The following CCDC90B variants were observed in gnomAD, a reference collection of about 807,000 sequenced individuals.
CCDC90B encodes the protein coiled-coil domain containing 90B, also known as coiled-coil domain-containing protein 90B, mitochondrial.
A neutral mutation model predicts 37.0 loss-of-function variants in CCDC90B; 24 were observed. The ratio of observed to expected loss-of-function variants is 0.65; its 90% CI spans 0.47 to 0.91. The LOEUF is 0.91. Ranked by LOEUF, CCDC90B falls within the 40% of genes least tolerant of loss-of-function variation. The pLI is 0.00. For missense variants in CCDC90B, 319 were observed against 299.0 expected (o/e 1.07, Z -0.49); for synonymous variants, 113 against 101.1 (o/e 1.12, Z -0.71).
At chr11:83,276,360 CTTT>C (rs1865027196) in intron 3 of CCDC90B, among the ~76,000 whole-genome samples, 1 of 152,036 alleles carries the variant, frequency 6.6e-6, no homozygotes, top group African/African-American at 2.4e-5. Context: ...GTACTGTGGC[CTTT>C]TTGAGACAGA....
intron 1 of CCDC90B, chr11:83,285,658 T>A: frequency 7.2e-7 from 1 of 1,394,592 alleles, no homozygotes; most frequent in Non-Finnish European, 9.3e-7. Flanking sequence ...AAGGTTCGCT[T>A]TAAGAACAGA....
intron 8 of CCDC90B, among the ~76,000 whole-genome samples, chr11:83,265,662 T>C (rs189542961): frequency 1.4e-4 from 22 of 152,218 alleles, no homozygotes; most frequent in African/African-American, 5.3e-4. Flanking sequence ...ATAATAAAAA[T>C]TATAAGTATT....
intron 7 of CCDC90B, among the ~76,000 whole-genome samples, chr11:83,272,377 T>C (rs1864733471): frequency 6.6e-6 from 1 of 152,190 alleles, no homozygotes; most frequent in African/African-American, 2.4e-5. Flanking sequence ...AACATATTTA[T>C]ACCTGAATAC....
chr11:83,267,701 G>C (rs573563081), intron 7 of CCDC90B, among the ~76,000 whole-genome samples: 1 of 152,318 alleles, frequency 6.6e-6, no homozygotes, highest in Non-Finnish European at 1.5e-5. Context: ...TATTATCCAG[G>C]AGAACTTCCC....
intron 8 of CCDC90B, among the ~76,000 whole-genome samples, chr11:83,263,799 A>G (rs781341348): frequency 6.6e-6 from 1 of 152,198 alleles, no homozygotes; most frequent in Non-Finnish European, 1.5e-5. Flanking sequence ...TGAGGCACAC[A>G]GTCACAGATT....
At chr11:83,284,475 T>G (rs1319654119) in intron 1 of CCDC90B, among the ~76,000 whole-genome samples, 2 of 152,240 alleles carry the variant, frequency 1.3e-5, no homozygotes, top group Admixed American at 6.5e-5. Flanking sequence ...TAACAGCATA[T>G]ATTCTTACAT....
chr11:83,267,869 G>A (rs1369060772), intron 7 of CCDC90B, among the ~76,000 whole-genome samples: 3 of 152,186 alleles, frequency 2.0e-5, no homozygotes, highest in African/African-American at 7.2e-5. Flanking sequence ...GAAAGGTCAA[G>A]TTACCCACAA....
chr11:83,271,712 C>T (rs1467094228), intron 7 of CCDC90B, among the ~76,000 whole-genome samples: 1 of 152,192 alleles, frequency 6.6e-6, no homozygotes, highest in African/African-American at 2.4e-5. Flanking sequence ...TGTGGCAATT[C>T]CTCAAGGATC....
intron 5 of CCDC90B, 31 bp from the exon 6 acceptor site, chr11:83,273,895 G>A (rs1591048181): frequency 6.3e-7 from 1 of 1,594,482 alleles, no homozygotes; most frequent in East Asian, 2.2e-5. Flanking sequence ...TTTAAAAAAT[G>A]ATCTTGTAAC....
At position 83,285,630 on chromosome 11, in the gene CCDC90B, G is replaced by A. The variant is rs926768752; in HGVS notation, c.100+243C>T. 5.9e-6 allele frequency: 8 copies of A among 1,348,582 alleles called. No individual in the cohort carries two copies. The African/African-American group carries it at 8.9e-5, about 15-fold the overall frequency. The allele number at this position is 1,348,582 out of a possible 1,614,324, so 83.5% of individuals were successfully genotyped here. A position where few individuals can be genotyped will look rare whatever the true frequency, so the allele number is the denominator to read the frequency against. Reference sequence around the variant, plus strand: ...ACAACGGCTGAGAAAGAAGCCGGGCGCGAAGCCCAGGCCTTCAAAGGTTCG... The same window carrying A: ...ACAACGGCTGAGAAAGAAGCCGGGCACGAAGCCCAGGCCTTCAAAGGTTCG... On this transcript the variant is annotated intron_variant, in intron 1 of 8. Transcript: ENST00000529689.
At position 83,261,806 on chromosome 11, in the gene CCDC90B, A is replaced by G. The variant is rs1018741719; in HGVS notation, c.*105T>C. On this transcript the variant is annotated 3_prime_UTR_variant, in exon 9 of 9. Transcript: ENST00000529689. The stretch of plus-strand genomic sequence containing the variant: ...CTTTTAGTCCGTATACACTTCGAAT[A>G]ATCTTGTGTAGTAAATTTTTGCTGC... 3 of 746,944 alleles carry G rather than the reference A, an allele frequency of 4.0e-6. No homozygotes were observed. Among genetic ancestry groups the G allele is most frequent in the African/African-American group, 3.6e-5 (2 of 55,580 alleles). The allele number at this position is 746,944 out of a possible 1,614,324, so 46.3% of individuals were successfully genotyped here. A position where few individuals can be genotyped will look rare whatever the true frequency, so the allele number is the denominator to read the frequency against.
intron 8 of CCDC90B, among the ~76,000 whole-genome samples, chr11:83,265,637 A>G (rs1437835380): frequency 1.3e-5 from 2 of 152,198 alleles, no homozygotes; most frequent in Admixed American, 6.5e-5. Context: ...GGCTGCGTCT[A>G]ATTTGTAATC....
intron 7 of CCDC90B, among the ~76,000 whole-genome samples, chr11:83,268,202 G>T (rs1013876558): frequency 1.3e-5 from 2 of 151,894 alleles, no homozygotes; most frequent in African/African-American, 2.4e-5. Context: ...TCAATTAATG[G>T]GCAAAATAAC....
Position 83,282,204 on chromosome 11 carries a change from G to C in CCDC90B, c.101-1944C>G, listed in dbSNP as rs373454272. Among the ~76,000 whole-genome samples the C allele has an allele frequency of 4.8e-4, 73 of 152,342 alleles. 3 individuals carry two copies. In the East Asian group the frequency reaches 0.013, roughly 27 times the overall value. ...TACTAAGTATTGGTTGTTTGCCCTT[G>C]TGATCAATGGCTAACTGGGAGCTGC... On this transcript the variant is annotated intron_variant, in intron 1 of 8. Coordinates refer to ENST00000529689, the MANE Select transcript of CCDC90B (RefSeq NM_021825.5).
chr11:83,275,241 A>G (rs1864953031), intron 3 of CCDC90B, among the ~76,000 whole-genome samples: 1 of 152,140 alleles, frequency 6.6e-6, no homozygotes, highest in Non-Finnish European at 1.5e-5. Flanking sequence ...TATCCTCCCT[A>G]TTATTTGGCA....
In CCDC90B at chr11:83,259,663, T is replaced by G. The variant is rs1443314756; in HGVS notation, c.*2248A>C. 6.6e-6 allele frequency: 1 copy of G among 152,188 alleles called. No individual in the cohort carries two copies. Among genetic ancestry groups the G allele is most frequent in the Non-Finnish European group, 1.5e-5 (1 of 68,052 alleles). 9.4% of individuals were successfully genotyped at this position (152,188 alleles called of 1,614,324 possible). A position where few individuals can be genotyped will look rare whatever the true frequency, so the allele number is the denominator to read the frequency against. On this transcript the variant is annotated 3_prime_UTR_variant, in exon 9 of 9. Transcript: ENST00000529689. ...GCTGATAAAACTATTGGAGAAGTTT[T>G]TTTTTAGGAGACAGGGTCTCATGTG...
intron 7 of CCDC90B, among the ~76,000 whole-genome samples, chr11:83,266,300 G>C (rs886635810): frequency 9.2e-5 from 14 of 152,194 alleles, no homozygotes; most frequent in Non-Finnish European, 1.8e-4. Flanking sequence ...AGCAGGGTGG[G>C]GCATTGCCTC....
intron 7 of CCDC90B, among the ~76,000 whole-genome samples, chr11:83,271,623 T>G (rs1444323824): frequency 6.6e-6 from 1 of 152,172 alleles, no homozygotes; most frequent in East Asian, 1.9e-4. Context: ...CAACAGATGC[T>G]GGAGAGGATG....
intron 4 of CCDC90B, chr11:83,274,251 CAT>C (rs1864884392): frequency 3.0e-6 from 1 of 338,548 alleles, no homozygotes; most frequent in Admixed American, 4.6e-5. Context: ...TAGTGGATAA[CAT>C]AACTTAAAAT....
Sources: allele counts gnomAD v4.1 joint callset (sites outside exome capture counted in the v4.1 genomes callset), GRCh38; gene constraint gnomAD v4.1.1; transcripts MANE v1.5; gene names NCBI Gene and HGNC (gene_info 2026-07-23, HGNC 2026-07-21).